The following ARID1B variants were observed in gnomAD, a reference collection of about 807,000 sequenced individuals.
ARID1B encodes AT-rich interaction domain 1B.
ARID1B carries 30 observed loss-of-function variants against 212.3 expected under a neutral mutation model. The ratio of observed to expected loss-of-function variants is 0.14; its 90% CI spans 0.11 to 0.19. The LOEUF is 0.19. Ranked by LOEUF, ARID1B falls within the 10% of genes least tolerant of loss-of-function variation. The probability of loss-of-function intolerance (pLI) is 1.00; values close to 1 mark genes in which losing one functional copy is unlikely to be tolerated. For synonymous variants in ARID1B, 1,402 were observed against 1,301.7 expected (o/e 1.08, Z -1.66); for missense variants, 2,891 against 3,204.0 (o/e 0.90, Z 2.36).
intron 4 of ARID1B, chr6:156,937,196 T>G (rs1472403974): frequency 2.6e-5 from 4 of 152,090 alleles, no homozygotes; most frequent in Non-Finnish European, 5.9e-5. Context: ...AAGCATGTAG[T>G]GTGTACGTGT....
chr6:156,966,020 T>C (rs1794715986), intron 4 of ARID1B, among the ~76,000 whole-genome samples: 1 of 152,236 alleles, frequency 6.6e-6, no homozygotes, highest in Admixed American at 6.5e-5. Flanking sequence ...TCTGGCCTCA[T>C]CACAGGGACC....
intron 13 of ARID1B, among the ~76,000 whole-genome samples, chr6:157,188,425 T>G (rs150962591): frequency 3.7e-3 from 561 of 152,254 alleles, no homozygotes; most frequent in Non-Finnish European, 6.7e-3. Context: ...GTAGAAATAA[T>G]GTACTCATTT....
intron 4 of ARID1B, among the ~76,000 whole-genome samples, chr6:157,055,972 C>T (rs1338791752): frequency 2.6e-5 from 4 of 152,196 alleles, no homozygotes; most frequent in Non-Finnish European, 5.9e-5. Context: ...CATTCAATCT[C>T]TCCCACCTCT....
chr6:157,061,772 A>G (rs1285030220), intron 4 of ARID1B, among the ~76,000 whole-genome samples: 1 of 152,224 alleles, frequency 6.6e-6, no homozygotes, highest in Non-Finnish European at 1.5e-5. Flanking sequence ...TAAATAATAT[A>G]CCAGAAATAA....
intron 4 of ARID1B, among the ~76,000 whole-genome samples, chr6:156,962,068 G>A (rs555892871): frequency 6.6e-6 from 1 of 152,290 alleles, no homozygotes; most frequent in East Asian, 1.9e-4. Context: ...GGGAGGCCGA[G>A]GTGGGTGGAT....
In ARID1B at chr6:156,979,957, C is replaced by T. The variant is rs981834017; in HGVS notation, c.2247+44381C>T. On this transcript the variant is annotated intron_variant, in intron 4 of 19. Transcript: ENST00000636930. ...GCGTGATCATAGCTTGGCTATGGCT[C>T]GGCTTCCCAAAGTGTTAAGATTACA... Among the ~76,000 whole-genome samples the T allele has an allele frequency of 8.8e-4, 134 of 152,144 alleles. 1 individual carries two copies. The highest frequency in any genetic ancestry group is 3.5e-4 in the Non-Finnish European group (24 of 68,020).
At chr6:156,859,909 G>T (rs891186210) in intron 2 of ARID1B, among the ~76,000 whole-genome samples, 1 of 152,184 alleles carries the variant, frequency 6.6e-6, no homozygotes, top group Non-Finnish European at 1.5e-5. Flanking sequence ...ATTGTATGCA[G>T]CAGGAGTTGT....
intron 4 of ARID1B, chr6:156,936,473 A>G (rs956938397): frequency 2.0e-5 from 3 of 151,878 alleles, no homozygotes; most frequent in Non-Finnish European, 2.9e-5. Flanking sequence ...TAAATAGTTC[A>G]TATCTACTTA....
intron 19 of ARID1B, chr6:157,205,900 A>G: frequency 2.3e-6 from 1 of 441,398 alleles, no homozygotes; most frequent in Non-Finnish European, 4.1e-6. Flanking sequence ...TGAGAATAAA[A>G]AGTAAGTTTT....
chr6:157,113,128 T>A (rs1787054262), intron 6 of ARID1B, among the ~76,000 whole-genome samples: 1 of 151,954 alleles, frequency 6.6e-6, no homozygotes, highest in Admixed American at 6.6e-5. Flanking sequence ...TCCATGTTGG[T>A]CAGGCTGGTC....
intron 3 of ARID1B, among the ~76,000 whole-genome samples, chr6:156,911,312 G>C (rs950853347): frequency 1.3e-5 from 2 of 150,524 alleles, no homozygotes; most frequent in Non-Finnish European, 3.0e-5. Flanking sequence ...AAATGGAGTT[G>C]GGTTCTAGAC....
intron 2 of ARID1B, among the ~76,000 whole-genome samples, chr6:156,885,621 C>T (rs995037554): frequency 6.6e-6 from 1 of 152,150 alleles, no homozygotes; most frequent in African/African-American, 2.4e-5. Flanking sequence ...TTAAAAGTTG[C>T]AGATTGTTCT....
At chr6:157,075,380 A>C (rs756402543) in intron 4 of ARID1B, among the ~76,000 whole-genome samples, 92 of 152,244 alleles carry the variant, frequency 6.0e-4, no homozygotes, top group Non-Finnish European at 1.1e-3. Flanking sequence ...AGCATTCAGA[A>C]GTCTTAAAAA....
chr6:156,855,488 C>T (rs894597044), intron 2 of ARID1B, among the ~76,000 whole-genome samples: 2 of 152,214 alleles, frequency 1.3e-5, no homozygotes, highest in African/African-American at 4.8e-5. Flanking sequence ...CGGCAGACTA[C>T]ACGCTTACCT....
chr6:157,172,829 C>T (rs910242975), intron 9 of ARID1B: 3 of 150,388 alleles, frequency 2.0e-5, no homozygotes, highest in African/African-American at 7.4e-5. Context: ...TGGCACATAA[C>T]GCTACATGTG....
intron 4 of ARID1B, among the ~76,000 whole-genome samples, chr6:156,963,835 A>T (rs2128328776): frequency 6.6e-6 from 1 of 152,364 alleles, no homozygotes; most frequent in East Asian, 1.9e-4. Context: ...TGTGCTTATG[A>T]GGTAGCAGTC....
intron 5 of ARID1B, among the ~76,000 whole-genome samples, chr6:157,087,591 GTC>G: frequency 6.6e-6 from 1 of 152,296 alleles, no homozygotes; most frequent in African/African-American, 2.4e-5. Context: ...AACTGAGACT[GTC>G]TGTGACAATT....
chr6:156,776,610 A>T (rs770968210), upstream of ARID1B: 1 of 152,374 alleles, frequency 6.6e-6, no homozygotes, highest in African/African-American at 2.4e-5. Context: ...ACACCACTGT[A>T]CATACTCCAC....
chr6:156,801,635 G>T (rs776643938), intron 1 of ARID1B, among the ~76,000 whole-genome samples: 11 of 151,912 alleles, frequency 7.2e-5, no homozygotes, highest in Admixed American at 3.9e-4. Context: ...ATCTATCCAG[G>T]TTCTGCCATA....
Sources: gnomAD v4.1 joint callset for allele counts (sites outside exome capture counted in the v4.1 genomes callset) on GRCh38, gnomAD v4.1.1 for gene constraint, MANE v1.5 for transcripts, NCBI Gene and HGNC (gene_info 2026-07-23, HGNC 2026-07-21) for gene names.